The following PRKAR2A variants were observed in gnomAD, a reference collection of about 807,000 sequenced individuals.
The protein encoded by PRKAR2A is protein kinase cAMP-dependent type II regulatory subunit alpha, also known as cAMP-dependent protein kinase type II-alpha regulatory subunit.
In PRKAR2A, 29 loss-of-function variants were observed where a neutral mutation model predicts 51.9. The ratio of observed to expected loss-of-function variants is 0.56; its 90% CI spans 0.42 to 0.76. The LOEUF is 0.76. Among genes scored for constraint, PRKAR2A ranks in the 30% least tolerant of loss-of-function variants. PRKAR2A has a pLI of 0.00. For synonymous variants in PRKAR2A, 178 were observed against 186.2 expected, an observed-to-expected ratio of 0.96 and a Z score of 0.36; for missense variants, 445 against 512.1, an observed-to-expected ratio of 0.87 and a Z score of 1.26.
intron 6 of PRKAR2A, among the ~76,000 whole-genome samples, chr3:48,767,575 A>G (rs1024353850): frequency 6.6e-6 from 1 of 152,120 alleles, no homozygotes; most frequent in African/African-American, 2.4e-5. Context: ...GGATCGCTTG[A>G]GGCTAGGAAT....
At chr3:48,777,020 T>C (rs1382767693) in intron 5 of PRKAR2A, among the ~76,000 whole-genome samples, 1 of 152,172 alleles carries the variant, frequency 6.6e-6, no homozygotes, top group African/African-American at 2.4e-5. Flanking sequence ...TTCTGCCCCA[T>C]ATCTGGGCAA....
chr3:48,765,724 CAAAAAA>C (rs756566818), intron 6 of PRKAR2A, among the ~76,000 whole-genome samples: 3 of 45,250 alleles, frequency 6.6e-5, no homozygotes, highest in Non-Finnish European at 1.1e-4. Context: ...ACCCTCATTT[CAAAAAA>C]AAAAAAAAAA....
intron 1 of PRKAR2A, among the ~76,000 whole-genome samples, chr3:48,808,508 C>T (rs573797122): frequency 6.6e-6 from 1 of 152,274 alleles, no homozygotes; most frequent in East Asian, 1.9e-4. Context: ...CCACCTTGGC[C>T]TCCCAAAGTG....
chr3:48,789,509 TAGAC>T (rs1282369445), intron 4 of PRKAR2A, among the ~76,000 whole-genome samples: 3 of 150,708 alleles, frequency 2.0e-5, no homozygotes, highest in African/African-American at 7.3e-5. Flanking sequence ...TTTTTTTTTT[TAGAC>T]AGAGTCTTGC....
chr3:48,833,114 T>A (rs561659052), intron 1 of PRKAR2A, among the ~76,000 whole-genome samples: 9 of 152,172 alleles, frequency 5.9e-5, no homozygotes, highest in Admixed American at 3.3e-4. Context: ...CAGCTCACCA[T>A]AGCCTCAAAC....
At chr3:48,781,277 C>T (rs994740392) in intron 5 of PRKAR2A, among the ~76,000 whole-genome samples, 6 of 151,508 alleles carry the variant, frequency 4.0e-5, no homozygotes, top group African/African-American at 1.2e-4. Context: ...TGAGCCACCA[C>T]GCCCAGCCTT....
chr3:48,836,201 C>T (rs1344039769), intron 1 of PRKAR2A, among the ~76,000 whole-genome samples: 2 of 151,670 alleles, frequency 1.3e-5, no homozygotes, highest in Non-Finnish European at 2.9e-5. Context: ...AGGTGCATCA[C>T]GAGGTCAGGA....
downstream of PRKAR2A, among the ~76,000 whole-genome samples, chr3:48,746,353 TAAAAAAA>T (rs34195938): frequency 1.3e-4 from 9 of 68,298 alleles, no homozygotes; most frequent in Admixed American, 1.1e-3. Flanking sequence ...ATCCTGTCAC[TAAAAAAA>T]AAAAAAAAAA....
At chr3:48,829,810 T>C (rs1399008000) in intron 1 of PRKAR2A, among the ~76,000 whole-genome samples, 2 of 138,140 alleles carry the variant, frequency 1.4e-5, no homozygotes, top group Admixed American at 1.5e-4. Flanking sequence ...TATATACATA[T>C]ATATGTATGT....
intron 6 of PRKAR2A, among the ~76,000 whole-genome samples, chr3:48,769,157 C>CTTTTTTTTTTT (rs200382765): frequency 7.3e-6 from 1 of 136,282 alleles, no homozygotes; most frequent in African/African-American, 2.8e-5. Context: ...AAATATCTTT[C>CTTTTTTTTTTT]TTTTTTTTTT....
At chr3:48,819,448 T>G (rs2082926331) in intron 1 of PRKAR2A, among the ~76,000 whole-genome samples, 1 of 152,256 alleles carries the variant, frequency 6.6e-6, no homozygotes, top group African/African-American at 2.4e-5. Context: ...CTGAGGAGAC[T>G]GAGACTCAGA....
chr3:48,780,050 T>C (rs543798614), intron 5 of PRKAR2A, among the ~76,000 whole-genome samples: 1 of 151,546 alleles, frequency 6.6e-6, no homozygotes, highest in East Asian at 2.0e-4. Flanking sequence ...TCCCAGCTAC[T>C]CAGGAAGCTG....
chr3:48,782,864 G>T, intron 5 of PRKAR2A, 122 bp downstream of exon 5: 2 of 676,484 alleles, frequency 3.0e-6, no homozygotes, highest in Non-Finnish European at 2.6e-6. Flanking sequence ...ACAAGGCTTT[G>T]GGAAGCTTGT....
intron 1 of PRKAR2A, among the ~76,000 whole-genome samples, chr3:48,821,776 C>T (rs1212248260): frequency 1.3e-5 from 2 of 151,562 alleles, no homozygotes; most frequent in Admixed American, 1.3e-4. Context: ...ACTAGCCGGG[C>T]ATGGTGGTGT....
At chr3:48,801,660 C>T (rs1440683566) in intron 2 of PRKAR2A, among the ~76,000 whole-genome samples, 2 of 151,988 alleles carry the variant, frequency 1.3e-5, no homozygotes, top group Admixed American at 6.6e-5. Context: ...TGCAGTGGTG[C>T]GATCTCAGCT....
intron 2 of PRKAR2A, among the ~76,000 whole-genome samples, chr3:48,795,131 C>T (rs2082469712): frequency 1.3e-5 from 2 of 152,126 alleles, no homozygotes; most frequent in Admixed American, 6.6e-5. Flanking sequence ...CGCCTGCAAC[C>T]ATGCCAGGCT....
At chr3:48,756,125 T>C (rs2081760077) in intron 9 of PRKAR2A, among the ~76,000 whole-genome samples, 1 of 152,156 alleles carries the variant, frequency 6.6e-6, no homozygotes, top group African/African-American at 2.4e-5. Flanking sequence ...TCTTATTGAT[T>C]TGTAGGCCAA....
At chr3:48,830,347 G>A (rs2083168816) in intron 1 of PRKAR2A, among the ~76,000 whole-genome samples, 1 of 151,968 alleles carries the variant, frequency 6.6e-6, no homozygotes, top group African/African-American at 2.4e-5. Flanking sequence ...AGGTCTTTAG[G>A]GGCAAAAACA....
Position 48,806,879 on chromosome 3 carries a change from C to A in PRKAR2A, c.298+770G>T, listed in dbSNP as rs534881973. Among the ~76,000 whole-genome samples, 4 of 151,826 alleles carry A rather than the reference C, an allele frequency of 2.6e-5. No individual in the cohort carries two copies. In the East Asian group the frequency reaches 7.7e-4, roughly 29 times the overall value. ...CTCCACCTCCTGGGTTCAAGTGATT[C>A]TCTGCCTCAGCCTCCCAAGTAGCTG... On this transcript the variant is annotated intron_variant, in intron 2 of 10. Coordinates refer to ENST00000265563, the MANE Select transcript of PRKAR2A (RefSeq NM_004157.4).
Sources: allele counts gnomAD v4.1 joint callset (sites outside exome capture counted in the v4.1 genomes callset), GRCh38; gene constraint gnomAD v4.1.1; transcripts MANE v1.5; gene names NCBI Gene and HGNC (gene_info 2026-07-23, HGNC 2026-07-21).